Variants in MSRA observed in about 807,000 individuals in gnomAD.
MSRA encodes the protein mitochondrial peptide methionine sulfoxide reductase.
Under a neutral mutation model 31.3 loss-of-function variants are expected in MSRA, and 54 were observed. The observed-to-expected ratio is 1.73, with a 90% CI of 1.39 to 2.17. The LOEUF is 2.17. Among genes scored for constraint, MSRA ranks in the 30% most tolerant of loss-of-function variants. The pLI is 0.00. For synonymous variants in MSRA, 169 were observed against 116.5 expected (o/e 1.45, Z -2.90); for missense variants, 507 against 300.9 (o/e 1.69, Z -5.07).
rs202000887 is a variant in MSRA at position 10,219,805 on chromosome 8, C to CAAAAAAAAAAAAAAAAAAA, written c.211+11904_211+11905insAAAAAAAAAAAAAAAAAAA. Among the ~76,000 whole-genome samples, 8 of 46,070 alleles carry CAAAAAAAAAAAAAAAAAAA rather than the reference C, an allele frequency of 1.7e-4. 2 individuals carry two copies. The highest frequency in any genetic ancestry group is 1.3e-3 in the African/African-American group (8 of 5,998). 30.2% of individuals were successfully genotyped at this position (46,070 alleles called of 152,430 possible). A position where few individuals can be genotyped will look rare whatever the true frequency, so the allele number is the denominator to read the frequency against. On this transcript the variant is annotated intron_variant, in intron 2 of 5. Transcript: ENST00000317173. ...TGGACGACAGATCGAGACTCTGTCT[C>CAAAAAAAAAAAAAAAAAAA]CAAAAAAAAAAAAAAAAAAAAAAGA...
At chr8:10,320,917 T>C (rs956767301) in intron 5 of MSRA, among the ~76,000 whole-genome samples, 13 of 152,230 alleles carry the variant, frequency 8.5e-5, no homozygotes, top group Non-Finnish European at 1.9e-4. Flanking sequence ...CTAACCCTCA[T>C]GACCTCGTTT....
chr8:10,395,934 C>T (rs951638604), intron 5 of MSRA, among the ~76,000 whole-genome samples: 3 of 152,182 alleles, frequency 2.0e-5, no homozygotes, highest in African/African-American at 7.2e-5. Flanking sequence ...CAGTTTCTAC[C>T]AATCTTTGCA....
At chr8:10,187,404 C>A (rs1585123321) in intron 1 of MSRA, among the ~76,000 whole-genome samples, 1 of 152,150 alleles carries the variant, frequency 6.6e-6, no homozygotes, top group Non-Finnish European at 1.5e-5. Flanking sequence ...ACACCGGTAC[C>A]CAAGCTACCT....
At chr8:10,069,148 C>T (rs1585081105) in intron 1 of MSRA, among the ~76,000 whole-genome samples, 1 of 152,176 alleles carries the variant, frequency 6.6e-6, no homozygotes, top group African/African-American at 2.4e-5. Context: ...GCTGTAATTT[C>T]TTATTAGTTC....
At chr8:10,132,847 G>T (rs1480169562) in intron 1 of MSRA, among the ~76,000 whole-genome samples, 5 of 152,234 alleles carry the variant, frequency 3.3e-5, no homozygotes, top group Non-Finnish European at 7.3e-5. Flanking sequence ...GGTACACAAA[G>T]GTATGTCTTT....
chr8:10,158,883 C>T (rs1009715927), intron 1 of MSRA, among the ~76,000 whole-genome samples: 7 of 152,224 alleles, frequency 4.6e-5, no homozygotes, highest in African/African-American at 1.2e-4. Context: ...TCCTCTCCAA[C>T]GCTTGCTGTT....
intron 5 of MSRA, among the ~76,000 whole-genome samples, chr8:10,419,060 C>T (rs1050143278): frequency 6.6e-6 from 1 of 152,148 alleles, no homozygotes. Context: ...ACAGGGTGCA[C>T]ATGCAGGCCC....
chr8:10,091,663 A>G (rs112342391), intron 1 of MSRA, among the ~76,000 whole-genome samples: 184 of 151,158 alleles, frequency 1.2e-3, no homozygotes, highest in African/African-American at 4.2e-3. Flanking sequence ...CTGGAGTGCA[A>G]TGGTGCGATC....
intron 1 of MSRA, among the ~76,000 whole-genome samples, chr8:10,160,361 G>C (rs537094733): frequency 3.9e-5 from 6 of 152,090 alleles, no homozygotes; most frequent in Admixed American, 6.5e-5. Context: ...CAGGCGTGGT[G>C]GTGGGCCCCT....
rs144209087 is a variant in MSRA, at chr8:10,055,271, C to T, written c.142+613C>T. 5.3e-4 allele frequency among the ~76,000 whole-genome samples: 81 copies of T among 152,346 alleles called. 1 individual carries two copies. Among genetic ancestry groups the T allele is most frequent in the Non-Finnish European group, 9.8e-4 (67 of 68,028 alleles). On this transcript the variant is annotated intron_variant, in intron 1 of 5. Coordinates refer to ENST00000317173, the MANE Select transcript of MSRA (RefSeq NM_012331.5). ...TCAGCTTAAAGCGATGCTCCACAAACTTGGACAACTTTCTAGTCGTTCTCA... is the reference window on the plus strand; with the variant it reads ...TCAGCTTAAAGCGATGCTCCACAAATTTGGACAACTTTCTAGTCGTTCTCA...
intron 5 of MSRA, among the ~76,000 whole-genome samples, chr8:10,365,806 G>C (rs753501443): frequency 6.6e-6 from 1 of 152,170 alleles, no homozygotes; most frequent in Non-Finnish European, 1.5e-5. Context: ...GGCACTCGGA[G>C]GTAGAACACC....
chr8:10,271,427 G>A (rs1799031934), intron 3 of MSRA, among the ~76,000 whole-genome samples: 1 of 48,902 alleles, frequency 2.0e-5, no homozygotes, highest in Admixed American at 2.3e-4. Context: ...ACGATGTGAG[G>A]ACTAAGGGAT....
At chr8:10,239,514 C>G (rs1466261629) in intron 2 of MSRA, among the ~76,000 whole-genome samples, 2 of 152,200 alleles carry the variant, frequency 1.3e-5, no homozygotes, top group Admixed American at 1.3e-4. Flanking sequence ...CTTTGTAACA[C>G]CAAATGCTTG....
intron 2 of MSRA, among the ~76,000 whole-genome samples, chr8:10,222,195 T>C (rs1184712404): frequency 6.6e-6 from 1 of 152,192 alleles, no homozygotes; most frequent in African/African-American, 2.4e-5. Context: ...TCAATACTTT[T>C]GGCTTTTGAA....
chr8:10,260,061 T>G (rs1362616831), intron 3 of MSRA, among the ~76,000 whole-genome samples: 1 of 152,096 alleles, frequency 6.6e-6, no homozygotes, highest in Non-Finnish European at 1.5e-5. Context: ...AACAACCAAG[T>G]CATTTCGGTT....
At chr8:10,212,569 T>C (rs968400619) in intron 2 of MSRA, among the ~76,000 whole-genome samples, 1 of 152,262 alleles carries the variant, frequency 6.6e-6, no homozygotes, top group Non-Finnish European at 1.5e-5. Context: ...TCTTCCTGAA[T>C]AACTTCAGTT....
intron 3 of MSRA, among the ~76,000 whole-genome samples, chr8:10,296,318 G>A (rs573990617): frequency 1.4e-4 from 22 of 152,250 alleles, no homozygotes; most frequent in Middle Eastern, 3.4e-3. Context: ...TAATGGGGGC[G>A]GCATCCTTGT....
chr8:10,330,695 T>G (rs1365289367), intron 5 of MSRA, among the ~76,000 whole-genome samples: 1 of 152,220 alleles, frequency 6.6e-6, no homozygotes, highest in Admixed American at 6.5e-5. Flanking sequence ...CGTCTCCCAT[T>G]TTCTACATTA....
intron 2 of MSRA, among the ~76,000 whole-genome samples, chr8:10,211,221 A>G (rs1809465990): frequency 6.6e-6 from 1 of 152,188 alleles, no homozygotes; most frequent in East Asian, 1.9e-4. Flanking sequence ...CCAGTGTGAA[A>G]AATGCATGAA....
Sources: gnomAD v4.1 joint callset for allele counts (sites outside exome capture counted in the v4.1 genomes callset) on GRCh38, gnomAD v4.1.1 for gene constraint, MANE v1.5 for transcripts, NCBI Gene and HGNC (gene_info 2026-07-23, HGNC 2026-07-21) for gene names.